Variants in EFL1 observed in about 807,000 individuals in gnomAD.
EFL1 encodes the protein elongation factor like GTPase 1, also known as elongation factor-like GTPase 1.
In EFL1, 76 loss-of-function variants were observed where a neutral mutation model predicts 126.7. The ratio of observed to expected loss-of-function variants is 0.60; its 90% confidence interval spans 0.50 to 0.73. The LOEUF is 0.73. EFL1 is among the 30% of genes least tolerant of loss of function. EFL1 has a pLI of 0.00. For missense variants in EFL1, 1,128 were observed against 1,343.2 expected (o/e 0.84, Z 2.50); for synonymous variants, 410 against 448.4 (o/e 0.91, Z 1.08).
chr15:82,131,893 C>T (rs76314534), intron 19 of EFL1, among the ~76,000 whole-genome samples: 3,623 of 151,886 alleles, frequency 0.024, 60 homozygotes, highest in Non-Finnish European at 0.035. Flanking sequence ...ATACAGAATA[C>T]GGCACAGAGA....
Position 82,262,701 on chromosome 15 carries a change from C to G in EFL1, c.-107G>C. ...CGAAAGTCCGAGAGCTCTGCGGGTC[C>G]GACACGCCCGCGCGCCAGGGGGCGG... On this transcript the variant is annotated 5_prime_UTR_variant, in exon 1 of 20. Coordinates refer to ENST00000268206, the MANE Select transcript of EFL1 (RefSeq NM_024580.6). 1 of 679,242 alleles carries G rather than the reference C, an allele frequency of 1.5e-6. No individual in the cohort carries two copies. The highest frequency in any genetic ancestry group is 2.0e-5 in the South Asian group (1 of 48,980). 42.1% of individuals were successfully genotyped at this position (679,242 alleles called of 1,614,324 possible). A position where few individuals can be genotyped will look rare whatever the true frequency, so the allele number is the denominator to read the frequency against.
chr15:82,260,576 G>A (rs771066384), intron 2 of EFL1, among the ~76,000 whole-genome samples: 15 of 152,144 alleles, frequency 9.9e-5, no homozygotes, highest in African/African-American at 1.7e-4. Flanking sequence ...ATTAATGATC[G>A]TTTTCATGGT....
intron 15 of EFL1, among the ~76,000 whole-genome samples, chr15:82,190,042 G>A (rs537309782): frequency 6.6e-6 from 1 of 151,732 alleles, no homozygotes; most frequent in Middle Eastern, 3.4e-3. Flanking sequence ...ACTTGAACCC[G>A]GGAGGCGGAG....
chr15:82,160,131 C>A (rs1051673416), intron 16 of EFL1: 1 of 152,236 alleles, frequency 6.6e-6, no homozygotes, highest in African/African-American at 2.4e-5. Context: ...GTGTGATTCC[C>A]AAGGCTAGTT....
rs146326185 is a variant in EFL1 at position 82,203,428 on chromosome 15, G to A, written c.1750+11289C>T. ...CTGTCGCCCAAGCTGGAGTGCAGTG[G>A]CGTGTGGCGCAATCTTGGCTCACTG... is the stretch of plus-strand genomic sequence containing the variant. On this transcript the variant is annotated intron_variant, in intron 15 of 19. Coordinates refer to ENST00000268206, the MANE Select transcript of EFL1 (RefSeq NM_024580.6). Among the ~76,000 whole-genome samples, 808 of 152,286 alleles carry A rather than the reference G, an allele frequency of 5.3e-3. 8 individuals are homozygous for A. The highest frequency in any genetic ancestry group is 0.019 in the African/African-American group (787 of 41,568).
intron 15 of EFL1, among the ~76,000 whole-genome samples, chr15:82,214,021 G>A (rs867042669): frequency 1.1e-4 from 17 of 152,122 alleles, no homozygotes; most frequent in South Asian, 4.1e-4. Flanking sequence ...TCTAAAAAGC[G>A]GAGAATTCCC....
intron 18 of EFL1, among the ~76,000 whole-genome samples, chr15:82,145,385 T>G (rs2073833951): frequency 1.3e-5 from 2 of 151,906 alleles, no homozygotes; most frequent in Non-Finnish European, 1.5e-5. Context: ...CCAACAATAT[T>G]GGCATTTATT....
At chr15:82,193,474 T>A (rs1338255357) in intron 15 of EFL1, among the ~76,000 whole-genome samples, 6 of 152,202 alleles carry the variant, frequency 3.9e-5, no homozygotes, top group African/African-American at 1.4e-4. Flanking sequence ...GATAACTATT[T>A]TCTAGTTATC....
At chr15:82,140,402 C>T (rs888121342) in intron 18 of EFL1, among the ~76,000 whole-genome samples, 12 of 152,146 alleles carry the variant, frequency 7.9e-5, no homozygotes, top group African/African-American at 2.9e-4. Flanking sequence ...GTCTACTCTG[C>T]CTACTGTCTC....
intron 6 of EFL1, among the ~76,000 whole-genome samples, chr15:82,239,811 A>G (rs931412524): frequency 3.0e-4 from 46 of 151,972 alleles, no homozygotes; most frequent in African/African-American, 1.1e-3. Context: ...CTTTACTTCC[A>G]TCTCAAGGCT....
At chr15:82,260,347 C>T (rs530884251) in intron 2 of EFL1, among the ~76,000 whole-genome samples, 115 of 152,320 alleles carry the variant, frequency 7.5e-4, no homozygotes, top group Admixed American at 2.6e-3. Context: ...AACTCATTCA[C>T]AGCTGGCTTC....
At chr15:82,132,952 T>G (rs921102716) in intron 19 of EFL1, among the ~76,000 whole-genome samples, 1 of 151,684 alleles carries the variant, frequency 6.6e-6, no homozygotes, top group African/African-American at 2.4e-5. Flanking sequence ...ACGATACCAG[T>G]AGGGCTGAGT....
At chr15:82,142,743 C>T (rs2073802798) in intron 18 of EFL1, among the ~76,000 whole-genome samples, 1 of 152,198 alleles carries the variant, frequency 6.6e-6, no homozygotes, top group South Asian at 2.1e-4. Context: ...CACAGCCTCT[C>T]CAAGCCAAGG....
At chr15:82,207,307 T>TATACACACAC (rs141904056) in intron 15 of EFL1, among the ~76,000 whole-genome samples, 23 of 145,418 alleles carry the variant, frequency 1.6e-4, no homozygotes, top group African/African-American at 2.8e-4. Context: ...TATATATATA[T>TATACACACAC]ACACACACAC....
intron 4 of EFL1, among the ~76,000 whole-genome samples, chr15:82,247,345 A>C (rs1200599520): frequency 6.6e-6 from 1 of 152,106 alleles, no homozygotes; most frequent in African/African-American, 2.4e-5. Flanking sequence ...CTGTTGAAGA[A>C]GTCATTCTCA....
intron 18 of EFL1, among the ~76,000 whole-genome samples, chr15:82,145,747 T>C (rs745362642): frequency 3.9e-4 from 59 of 151,688 alleles, no homozygotes; most frequent in Non-Finnish European, 7.8e-4. Flanking sequence ...GCCAGGAGAA[T>C]TGCTTGAACC....
chr15:82,262,474 C>T, intron 1 of EFL1, 140 bp downstream of exon 1: 1 of 190,538 alleles, frequency 5.2e-6, no homozygotes, highest in Middle Eastern at 2.1e-3. Flanking sequence ...CGGGAAGCGG[C>T]ACTCCGGGGA....
chr15:82,152,179 G>T lies in EFL1; in HGVS notation c.2275C>A (p.Pro759Thr). 1 of 1,614,168 alleles carries T rather than the reference G, an allele frequency of 6.2e-7. No individual in the cohort carries two copies. Among genetic ancestry groups the T allele is most frequent in the Middle Eastern group, 1.6e-4 (1 of 6,062 alleles). ...TCCAGAATCTGGGTGACTTCTTCTG[G>T]AAGGGGCATGGCTCGAACACTGAGC... ...ATLSVRAMPL[P>T]EEVTQILEEN... is the part of the protein sequence containing the mutation. The change falls in exon 18 of 20, where the codon CCA becomes ACA. Residue 759 changes from proline to threonine, a missense_variant. By Grantham distance (38) the Pro-to-Thr change is conservative. Transcript: ENST00000268206.
intron 14 of EFL1, among the ~76,000 whole-genome samples, chr15:82,215,939 C>T (rs2074641170): frequency 6.6e-6 from 1 of 151,918 alleles, no homozygotes; most frequent in Non-Finnish European, 1.5e-5. Context: ...ATTATAAGAA[C>T]TGAATAGAAA....
Sources: allele counts gnomAD v4.1 joint callset (sites outside exome capture counted in the v4.1 genomes callset), GRCh38; gene constraint gnomAD v4.1.1; transcripts MANE v1.5; gene names NCBI Gene and HGNC (gene_info 2026-07-23, HGNC 2026-07-21).